The following QARS1 variants were observed in gnomAD, a reference collection of about 807,000 sequenced individuals.
The protein encoded by QARS1 is glutaminyl-tRNA synthetase 1, also known as glutamine--tRNA ligase.
In QARS1, 79 loss-of-function variants were observed where a neutral mutation model predicts 106.9. The observed-to-expected ratio is 0.74, with a 90% CI of 0.62 to 0.89. The LOEUF is 0.89. Among genes scored for constraint, QARS1 ranks in the 40% least tolerant of loss-of-function variants. QARS1 has a pLI of 0.00. For synonymous variants in QARS1, 395 were observed against 367.7 expected (o/e 1.07, Z -0.85); for missense variants, 966 against 997.2 (o/e 0.97, Z 0.42).
intron 23 of QARS1, among the ~76,000 whole-genome samples, chr3:49,097,573 G>C (rs1001236795): frequency 6.6e-6 from 1 of 150,980 alleles, no homozygotes; most frequent in Non-Finnish European, 1.5e-5. Context: ...GAGGCGGGCA[G>C]ATCATGAAGT....
intron 17 of QARS1, 43 bp from the exon 18 acceptor site, chr3:49,099,296 C>T (rs2042434842): frequency 6.2e-7 from 1 of 1,614,056 alleles, no homozygotes; most frequent in Admixed American, 1.7e-5. Context: ...CAATCACAAA[C>T]TGCCACACTC....
chr3:49,101,643 G>A lies in QARS1; in HGVS notation c.766C>T (p.His256Tyr), dbSNP rs779660591. The part of the protein sequence containing the change: ...TPHTMNLLKQ[H>Y]LEITGGQVRT... ...ACCTGCCCACCAGTAATCTCCAGGT[G>A]CTGCTTTAGTAGATTCATGGTGTGT... is the stretch of plus-strand genomic sequence containing the variant. Residue 256 changes from histidine (H) to tyrosine (Y), a missense_variant, in exon 9 of 24, where the codon CAC becomes TAC. By Grantham distance (83) the His-to-Tyr change is moderately conservative (BLOSUM62 2). Transcript: ENST00000306125. 3.7e-6 allele frequency: 6 copies of A among 1,613,890 alleles called. No homozygotes were observed. Among genetic ancestry groups the A allele is most frequent in the East Asian group, 2.2e-5 (1 of 44,874 alleles).
intron 1 of QARS1, 27 bp from the exon 2 acceptor site, chr3:49,104,498 G>T (rs749356838): frequency 1.2e-6 from 2 of 1,612,224 alleles, no homozygotes; most frequent in African/African-American, 2.7e-5. Flanking sequence ...CAAGAGAGAA[G>T]CCCCGCGCTC....
Position 49,104,428 on chromosome 3 carries a change from ATCCCGGT to A in QARS1, c.154_160del (p.Thr52SerfsTer20). The A allele has an allele frequency of 6.2e-7, 1 of 1,614,198 alleles. No individual in the cohort carries two copies. Among genetic ancestry groups the A allele is most frequent in the Non-Finnish European group, 8.5e-7 (1 of 1,180,038 alleles). ...TCGGGAGGCCAAGCCATATAACAGG[ATCCCGGT>A]AGCTTTGTCAATGGTGGAACCCAGG... On this transcript the variant is annotated frameshift_variant, in exon 2 of 24. Transcript: ENST00000306125. LOFTEE classifies it high-confidence loss of function.
In QARS1 at chr3:49,099,290, C is replaced by T. The variant is rs879186069; in HGVS notation, c.1615-37G>A. ...GTTCAGCATCAGTCACAGCTACAAT[C>T]ACAAACTGCCACACTCAACCCCCAA... On this transcript the variant is annotated intron_variant, in intron 17 of 23. Transcript: ENST00000306125. The T allele has an allele frequency of 1.9e-6, 3 of 1,614,128 alleles. No individual in the cohort carries two copies. In the South Asian group the frequency reaches 3.3e-5, roughly 18 times the overall value.
chr3:49,098,967 T>A lies in QARS1; in HGVS notation c.1781A>T (p.Asn594Ile). The A allele has an allele frequency of 6.2e-7, 1 of 1,614,018 alleles. No individual in the cohort carries two copies. Among genetic ancestry groups the A allele is most frequent in the Non-Finnish European group, 8.5e-7 (1 of 1,179,964 alleles). ...GCCTTTGGTCTCATCAGCTGGGAAG[T>A]TGGGCACCTGGATGTCCAAGGACTA... ...AAKSLDIQVP[N>I]FPADETKGFH... The change falls in exon 19 of 24, where the codon AAC becomes ATC. Residue 594 changes from asparagine (N) to isoleucine (I), a missense_variant. By Grantham distance (149) the Asn-to-Ile change is moderately radical. Transcript: ENST00000306125.
At chr3:49,097,810 C>T (rs1342850582) in intron 23 of QARS1, among the ~76,000 whole-genome samples, 182 bp downstream of exon 23, 2 of 152,024 alleles carry the variant, frequency 1.3e-5, no homozygotes, top group Non-Finnish European at 2.9e-5. Flanking sequence ...AAAAGGCAGC[C>T]TTCATACAAA....
intron 5 of QARS1, 97 bp from the exon 6 acceptor site, chr3:49,102,569 T>A (rs2042485416): frequency 1.4e-6 from 2 of 1,382,782 alleles, no homozygotes; most frequent in Non-Finnish European, 2.0e-6. Context: ...CTGGCCTATC[T>A]ACCAGCACTG....
At position 49,098,791 on chromosome 3, in the gene QARS1, A is replaced by G. The variant is rs182648538; in HGVS notation, c.1863+94T>C. 6 of 1,498,058 alleles carry G rather than the reference A, an allele frequency of 4.0e-6. No individual in the cohort carries two copies. In the East Asian group the frequency reaches 1.4e-4, roughly 34 times the overall value. 92.8% of individuals were successfully genotyped at this position (1,498,058 alleles called of 1,614,324 possible). A position where few individuals can be genotyped will look rare whatever the true frequency, so the allele number is the denominator to read the frequency against. ...GTCTGGCAAAGATTGGTTCATCTGAAGCAGGAAGTAGATGGACTGACAGAG... is the reference window on the plus strand; with the variant it reads ...GTCTGGCAAAGATTGGTTCATCTGAGGCAGGAAGTAGATGGACTGACAGAG... On this transcript the variant is annotated intron_variant, in intron 19 of 23. Transcript: ENST00000306125.
intron 19 of QARS1, 24 bp from the exon 20 acceptor site, chr3:49,098,716 C>T (rs1438026460): frequency 3.8e-6 from 6 of 1,566,274 alleles, no homozygotes; most frequent in Middle Eastern, 2.1e-4. Context: ...GTGGGGTAGA[C>T]ACATGAGGCT....
At chr3:49,097,562 C>T (rs1045355096) in intron 23 of QARS1, among the ~76,000 whole-genome samples, 45 of 151,054 alleles carry the variant, frequency 3.0e-4, no homozygotes, top group Non-Finnish European at 5.8e-4. Flanking sequence ...TTTGGGAGGC[C>T]GAGGCGGGCA....
chr3:49,103,697 C>A lies in QARS1; in HGVS notation c.385G>T (p.Ala129Ser). The A allele has an allele frequency of 6.2e-7, 1 of 1,613,590 alleles. No homozygotes were observed. The change falls in exon 4 of 24, where the codon GCT becomes TCT. Residue 129 changes from alanine to serine, a missense_variant. By Grantham distance (99) the Ala-to-Ser change is moderately conservative. Coordinates refer to ENST00000306125, the MANE Select transcript of QARS1 (RefSeq NM_005051.3). The part of the protein sequence containing the change: ...PEQIEEAVEA[A>S]INRHRPQLLV... Reference sequence around the variant, plus strand: ...AGCTGGGGCCGGTGCCTGTTAATAGCAGCCTCCACCTGCAGAAAGCCAAAC... The same window carrying A: ...AGCTGGGGCCGGTGCCTGTTAATAGAAGCCTCCACCTGCAGAAAGCCAAAC...
chr3:49,095,972 G>C lies in QARS1; in HGVS notation c.*57C>G. The C allele has an allele frequency of 1.3e-6, 2 of 1,509,624 alleles. No homozygotes were observed. The highest frequency in any genetic ancestry group is 1.8e-6 in the Non-Finnish European group (2 of 1,091,366). The allele number at this position is 1,509,624 out of a possible 1,614,324, so 93.5% of individuals were successfully genotyped here. On this transcript the variant is annotated 3_prime_UTR_variant, in exon 24 of 24. Transcript: ENST00000306125. ...CTGTTCTTTATTGACATGGAATTTG[G>C]GGTGGCGAGGGTAGCCACACCCTCC... is the stretch of plus-strand genomic sequence containing the variant.
intron 23 of QARS1, among the ~76,000 whole-genome samples, chr3:49,096,630 T>C (rs1371849103): frequency 6.6e-6 from 1 of 151,606 alleles, no homozygotes; most frequent in Non-Finnish European, 1.5e-5. Context: ...AAACCCCGTC[T>C]CTACTAAAAA....
Position 49,099,984 on chromosome 3 carries a change from T to A in QARS1, c.1272A>T (p.Pro424=). 1 of 1,614,076 alleles carries A rather than the reference T, an allele frequency of 6.2e-7. No homozygotes were observed. ...DPVAYRVKYT[P]HHRTGDKWCI... is the part of the protein sequence containing the mutation. Reference sequence around the variant, plus strand: ...ACCATTTGTCCCCTGTGCGGTGGTGTGGTGTATACTTGACTCGATAGGCTA... The same window carrying A: ...ACCATTTGTCCCCTGTGCGGTGGTGAGGTGTATACTTGACTCGATAGGCTA... Residue 424 remains proline (P), a synonymous_variant, in exon 14 of 24, where the codon CCA becomes CCT. Transcript: ENST00000306125.
In QARS1 at chr3:49,104,447, T is replaced by C; in HGVS notation, c.142A>G (p.Ile48Val). ...TQAQQTLGST[I>V]DKATGILLYG... ...AACAGGATCCCGGTAGCTTTGTCAA[T>C]GGTGGAACCCAGGGTCTGCTGAGCC... Residue 48 changes from isoleucine to valine, a missense_variant, in exon 2 of 24, where the codon ATT becomes GTT. Coordinates refer to ENST00000306125, the MANE Select transcript of QARS1 (RefSeq NM_005051.3). The C allele has an allele frequency of 6.2e-7, 1 of 1,614,140 alleles. No homozygotes were observed. Among genetic ancestry groups the C allele is most frequent in the Non-Finnish European group, 8.5e-7 (1 of 1,180,028 alleles).
At position 49,100,405 on chromosome 3, in the gene QARS1, C is replaced by G. The variant is rs1209992432; in HGVS notation, c.1030G>C (p.Ala344Pro). The change falls in exon 12 of 24, where the codon GCG (alanine) becomes CCG (proline). Residue 344 changes from alanine to proline, a missense_variant. Transcript: ENST00000306125. ...CTGCGGATGAGCTCCACAGCCCACG[C>G]ATATAGCTGGTCAAAATAGTCAGAC... ...YASDYFDQLY[A>P]WAVELIRRGL... is the part of the protein sequence containing the mutation. 1 of 1,614,254 alleles carries G rather than the reference C, an allele frequency of 6.2e-7. No individual in the cohort carries two copies. Among genetic ancestry groups the G allele is most frequent in the South Asian group, 1.1e-5 (1 of 91,086 alleles).
chr3:49,102,905 T>C (rs548363764), intron 5 of QARS1, among the ~76,000 whole-genome samples: 10 of 152,188 alleles, frequency 6.6e-5, no homozygotes, highest in African/African-American at 2.2e-4. Context: ...AGCCTCCCAA[T>C]AGTGTTGGGA....
intron 2 of QARS1, 101 bp from the exon 3 acceptor site, chr3:49,104,073 A>G: frequency 2.4e-6 from 3 of 1,253,798 alleles, no homozygotes; most frequent in Non-Finnish European, 3.4e-6. Context: ...TGGCCTCCTG[A>G]AAAGTTAAGC....
Sources: allele counts gnomAD v4.1 joint callset (sites outside exome capture counted in the v4.1 genomes callset), GRCh38; gene constraint gnomAD v4.1.1; transcripts MANE v1.5; gene names NCBI Gene and HGNC (gene_info 2026-07-23, HGNC 2026-07-21).